Variants in SCG5 observed in about 807,000 individuals in gnomAD.
The protein encoded by SCG5 is neuroendocrine protein 7B2.
In SCG5, 18 loss-of-function variants were observed where a neutral mutation model predicts 25.7. The ratio of observed to expected loss-of-function variants is 0.70; its 90% CI spans 0.48 to 1.04. SCG5 has a LOEUF of 1.04. SCG5 is among the 50% of genes least tolerant of loss of function. The pLI, the probability that SCG5 is intolerant of heterozygous loss-of-function variation, is 0.00. For missense variants in SCG5, 206 were observed against 259.8 expected, an observed-to-expected ratio of 0.79 and a Z score of 1.42; for synonymous variants, 101 against 91.7, an observed-to-expected ratio of 1.10 and a Z score of -0.58.
At chr15:32,648,834 C>T (rs1241816622) in intron 2 of SCG5, among the ~76,000 whole-genome samples, 5 of 151,458 alleles carry the variant, frequency 3.3e-5, no homozygotes, top group South Asian at 2.1e-4. Context: ...TGCAATGGTG[C>T]GATCTCGGCT....
intron 2 of SCG5, among the ~76,000 whole-genome samples, chr15:32,658,603 A>G (rs575650097): frequency 2.0e-5 from 3 of 152,302 alleles, no homozygotes; most frequent in East Asian, 1.9e-4. Context: ...CATGGTCTAT[A>G]TTACTCAGGG....
At chr15:32,648,737 A>T (rs1304603575) in intron 2 of SCG5, among the ~76,000 whole-genome samples, 2 of 150,252 alleles carry the variant, frequency 1.3e-5, no homozygotes, top group East Asian at 2.0e-4. Flanking sequence ...GCCCTGTCTG[A>T]GTAGCACCCC....
chr15:32,681,828 T>C (rs1486400626), intron 3 of SCG5, among the ~76,000 whole-genome samples: 1 of 152,154 alleles, frequency 6.6e-6, no homozygotes, highest in Non-Finnish European at 1.5e-5. Flanking sequence ...TGAAAGAGAC[T>C]GTCTTAGAAA....
intron 3 of SCG5, among the ~76,000 whole-genome samples, chr15:32,684,189 T>C (rs2054663741): frequency 6.6e-6 from 1 of 152,112 alleles, no homozygotes; most frequent in African/African-American, 2.4e-5. Context: ...TGCTTTTAGG[T>C]GATGTATTTC....
rs571902776 is a variant in SCG5, at chr15:32,658,574, G to A, written c.226+14756G>A. Among the ~76,000 whole-genome samples the A allele has an allele frequency of 2.6e-5, 4 of 152,344 alleles. No homozygotes were observed. The East Asian group carries it at 7.7e-4, about 29-fold the overall frequency. ...GTCGCCAAGTTTTTCTGCTTAAAGA[G>A]CATCTGGGCACAGTGGCACATGGTC... On this transcript the variant is annotated intron_variant, in intron 2 of 5. Transcript: ENST00000300175.
chr15:32,654,974 T>G (rs995512073), intron 2 of SCG5, among the ~76,000 whole-genome samples: 1 of 152,222 alleles, frequency 6.6e-6, no homozygotes. Flanking sequence ...TTCTCACACT[T>G]GGTCACTTAG....
At chr15:32,657,576 C>T (rs2054145795) in intron 2 of SCG5, among the ~76,000 whole-genome samples, 1 of 151,914 alleles carries the variant, frequency 6.6e-6, no homozygotes, top group African/African-American at 2.4e-5. Context: ...GCTGCCAAAC[C>T]AAAAGTGAAA....
At chr15:32,648,811 C>G (rs1252396596) in intron 2 of SCG5, among the ~76,000 whole-genome samples, 6 of 151,780 alleles carry the variant, frequency 4.0e-5, no homozygotes, top group South Asian at 2.1e-4. Context: ...TCACTCTGTC[C>G]CCCAGGCTGG....
chr15:32,691,838 C>G, intron 5 of SCG5, 75 bp downstream of exon 5: 1 of 1,570,890 alleles, frequency 6.4e-7, no homozygotes, highest in East Asian at 2.3e-5. Context: ...GGCTGAAACC[C>G]TCGCTTGTTG....
In SCG5 at chr15:32,648,771, CTT is replaced by C. The variant is rs67887619; in HGVS notation, c.226+4964_226+4965del. 4.5e-3 allele frequency among the ~76,000 whole-genome samples: 501 copies of C among 111,496 alleles called. 2 individuals are homozygous for C. The highest frequency in any genetic ancestry group is 0.018 in the Middle Eastern group (4 of 228). 73.1% of individuals were successfully genotyped at this position (111,496 alleles called of 152,430 possible). A position where few individuals can be genotyped will look rare whatever the true frequency, so the allele number is the denominator to read the frequency against. On this transcript the variant is annotated intron_variant, in intron 2 of 5. Coordinates refer to ENST00000300175, the MANE Select transcript of SCG5 (RefSeq NM_001144757.3). The stretch of plus-strand genomic sequence containing the variant: ...CCCCTACATTCTCTGTTGCAGTCTC[CTT>C]TTTTTTTTTTAAAAAAAAAACAGAG...
At chr15:32,670,107 G>A (rs1299626874) in intron 2 of SCG5, among the ~76,000 whole-genome samples, 1 of 152,190 alleles carries the variant, frequency 6.6e-6, no homozygotes, top group Non-Finnish European at 1.5e-5. Flanking sequence ...TCCCCAAGGA[G>A]CCTGAGTTTT....
chr15:32,671,937 C>G (rs910190604), intron 2 of SCG5, among the ~76,000 whole-genome samples: 14 of 152,228 alleles, frequency 9.2e-5, no homozygotes, highest in South Asian at 6.2e-4. Context: ...CTCTCCTGGT[C>G]TCCTCGGGCG....
At chr15:32,648,747 C>G (rs2053986986) in intron 2 of SCG5, among the ~76,000 whole-genome samples, 1 of 150,746 alleles carries the variant, frequency 6.6e-6, no homozygotes, top group African/African-American at 2.4e-5. Context: ...AGTAGCACCC[C>G]CCTACATTCT....
chr15:32,692,127 A>T, intron 5 of SCG5: 1 of 1,093,516 alleles, frequency 9.1e-7, no homozygotes, highest in Non-Finnish European at 1.1e-6. Flanking sequence ...CTGATCACAC[A>T]TCTGCATCAA....
intron 4 of SCG5, among the ~76,000 whole-genome samples, chr15:32,686,973 A>G (rs1183164138): frequency 6.6e-6 from 1 of 152,204 alleles, no homozygotes; most frequent in Non-Finnish European, 1.5e-5. Context: ...TGATTGGGGT[A>G]GTAGCCACAG....
In SCG5 at chr15:32,691,727, C is replaced by A. The variant is rs376492769; in HGVS notation, c.507C>A (p.Tyr169Ter). ...GLGKWNKKLL[Y>*]EKMKGGERRK... ...CATTCTAGAACAAGAAACTCCTTTA[C>A]GAGAAGATGAAGGGAGGAGAGAGAC... Residue 169 changes from tyrosine (Y) to a stop codon, truncating the protein, a stop_gained, in exon 5 of 6, where the codon TAC becomes TAA. Coordinates refer to ENST00000300175, the MANE Select transcript of SCG5 (RefSeq NM_001144757.3). LOFTEE classifies it high-confidence loss of function. 2.5e-6 allele frequency: 4 copies of A among 1,610,384 alleles called. No individual in the cohort carries two copies. Among genetic ancestry groups the A allele is most frequent in the Non-Finnish European group, 3.4e-6 (4 of 1,178,626 alleles).
chr15:32,690,930 C>T (rs915591819), intron 4 of SCG5, among the ~76,000 whole-genome samples: 2 of 151,616 alleles, frequency 1.3e-5, no homozygotes, highest in African/African-American at 4.8e-5. Context: ...AAGCCCCCCC[C>T]CACCGCCACC....
At chr15:32,672,959 G>T (rs2054462901) in intron 2 of SCG5, 1 of 149,894 alleles carries the variant, frequency 6.7e-6, no homozygotes, top group African/African-American at 2.5e-5. Flanking sequence ...AGTAACGCAG[G>T]TCCCATTTAT....
intron 2 of SCG5, among the ~76,000 whole-genome samples, chr15:32,679,313 G>A (rs1238592525): frequency 6.6e-6 from 1 of 151,980 alleles, no homozygotes; most frequent in Admixed American, 6.6e-5. Flanking sequence ...TCCTGCCTCA[G>A]CCTCTTGAGT....
Sources: allele counts gnomAD v4.1 joint callset (sites outside exome capture counted in the v4.1 genomes callset), GRCh38; gene constraint gnomAD v4.1.1; transcripts MANE v1.5; gene names NCBI Gene and HGNC (gene_info 2026-07-23, HGNC 2026-07-21).